The following ROR1 variants were observed in gnomAD, a reference collection of about 807,000 sequenced individuals.
ROR1 encodes inactive tyrosine-protein kinase transmembrane receptor ROR1.
In ROR1, 19 loss-of-function variants were observed where a neutral mutation model predicts 78.8. The ratio of observed to expected loss-of-function variants is 0.24; its 90% CI spans 0.17 to 0.35. The LOEUF (loss-of-function observed/expected upper bound fraction) is 0.35. Among genes scored for constraint, ROR1 ranks in the 10% least tolerant of loss-of-function variants. The pLI, the probability that ROR1 is intolerant of heterozygous loss-of-function variation, is 1.00. For synonymous variants in ROR1, 386 were observed against 433.6 expected (o/e 0.89, Z 1.36); for missense variants, 917 against 1,177.8 (o/e 0.78, Z 3.24).
At chr1:63,950,438 G>A (rs1645925713) in intron 1 of ROR1, among the ~76,000 whole-genome samples, 1 of 152,184 alleles carries the variant, frequency 6.6e-6, no homozygotes, top group Non-Finnish European at 1.5e-5. Flanking sequence ...TTTAAGTATG[G>A]TAATGCATTA....
chr1:63,859,979 A>T (rs906795357), intron 1 of ROR1, among the ~76,000 whole-genome samples: 2 of 152,158 alleles, frequency 1.3e-5, no homozygotes, highest in African/African-American at 4.8e-5. Flanking sequence ...ATAGATGAGG[A>T]GCCTGAGGCA....
At chr1:63,832,688 A>C (rs973130926) in intron 1 of ROR1, among the ~76,000 whole-genome samples, 1 of 152,374 alleles carries the variant, frequency 6.6e-6, no homozygotes, top group East Asian at 1.9e-4. Context: ...TTTTGAAAAC[A>C]CACACATTTT....
In ROR1 at chr1:63,951,455, A is replaced by G. The variant is rs1645934594; in HGVS notation, c.92-57850A>G. ...AAAGTGATATGAGGAAAATAGGGTA[A>G]AAGAGGGGGGCTGGGGAGAACTCGT... On this transcript the variant is annotated intron_variant, in intron 1 of 8. Transcript: ENST00000371079. Among the ~76,000 whole-genome samples, 2 of 152,218 alleles carry G rather than the reference A, an allele frequency of 1.3e-5. 1 individual carries two copies. Among genetic ancestry groups the G allele is most frequent in the South Asian group, 4.1e-4 (2 of 4,830 alleles).
At chr1:63,859,071 A>G (rs569902895) in intron 1 of ROR1, among the ~76,000 whole-genome samples, 2 of 152,284 alleles carry the variant, frequency 1.3e-5, no homozygotes, top group African/African-American at 4.8e-5. Flanking sequence ...GTGCTGACCC[A>G]TGTCATGATG....
intron 1 of ROR1, among the ~76,000 whole-genome samples, chr1:63,863,392 C>T (rs1645193632): frequency 6.6e-6 from 1 of 152,122 alleles, no homozygotes; most frequent in South Asian, 2.1e-4. Context: ...GCCTGAGTTT[C>T]TGGTGCTGGC....
chr1:64,104,106 A>G (rs866311439), intron 4 of ROR1, among the ~76,000 whole-genome samples: 3 of 152,154 alleles, frequency 2.0e-5, no homozygotes, highest in Non-Finnish European at 4.4e-5. Flanking sequence ...TAGGCTATAT[A>G]TCTATGTTAT....
chr1:64,132,963 T>G (rs1027202063), intron 4 of ROR1, among the ~76,000 whole-genome samples: 1 of 152,088 alleles, frequency 6.6e-6, no homozygotes, highest in African/African-American at 2.4e-5. Flanking sequence ...TTTGGTGGGC[T>G]ACCCTGGGAT....
chr1:64,121,261 C>CCTTCCTTCCAT lies in ROR1; in HGVS notation c.483-16106_483-16105insTCCTTCCATCT, dbSNP rs1553159804. ...TCCTTCCTTCCTTCCTTCCTTCCAT[C>CCTTCCTTCCAT]CTCCTGTTTCTTTATTTTGGTAAGG... On this transcript the variant is annotated intron_variant, in intron 4 of 8. Coordinates refer to ENST00000371079, the MANE Select transcript of ROR1 (RefSeq NM_005012.4). Among the ~76,000 whole-genome samples the CCTTCCTTCCAT allele has an allele frequency of 2.5e-3, 350 of 139,424 alleles. 1 individual carries two copies. The highest frequency in any genetic ancestry group is 5.7e-3 in the South Asian group (23 of 4,058). 91.5% of individuals were successfully genotyped at this position (139,424 alleles called of 152,430 possible).
At chr1:63,925,999 G>A (rs1300971901) in intron 1 of ROR1, among the ~76,000 whole-genome samples, 1 of 150,240 alleles carries the variant, frequency 6.7e-6, no homozygotes, top group Non-Finnish European at 1.5e-5. Flanking sequence ...CTTTTGCTGT[G>A]CAGAAGCTCT....
chr1:64,164,811 C>T (rs925935305), intron 8 of ROR1, among the ~76,000 whole-genome samples: 3 of 152,144 alleles, frequency 2.0e-5, no homozygotes, highest in Non-Finnish European at 4.4e-5. Context: ...TCTATGAGAA[C>T]AACATTTAGC....
chr1:63,814,448 G>A, intron 1 of ROR1, among the ~76,000 whole-genome samples: 1 of 152,008 alleles, frequency 6.6e-6, no homozygotes, highest in East Asian at 1.9e-4. Flanking sequence ...GTGGTGGTTT[G>A]GAGATGATTC....
chr1:64,014,740 C>CTATATATATATATATATATATATA lies in ROR1; in HGVS notation c.163+5375_163+5398dup, dbSNP rs1208813882. On this transcript the variant is annotated intron_variant, in intron 2 of 8. Coordinates refer to ENST00000371079, the MANE Select transcript of ROR1 (RefSeq NM_005012.4). ...ATATATATATATACACATACGCACA[C>CTATATATATATATATATATATATA]TATATATATATATATATATATATAT... is the stretch of plus-strand genomic sequence containing the variant. 2.5e-3 allele frequency among the ~76,000 whole-genome samples: 73 copies of CTATATATATATATATATATATATA among 29,026 alleles called. 2 individuals are homozygous for CTATATATATATATATATATATATA. Among genetic ancestry groups the CTATATATATATATATATATATATA allele is most frequent in the South Asian group, 5.6e-3 (2 of 356 alleles). 19.0% of individuals were successfully genotyped at this position (29,026 alleles called of 152,430 possible). A position where few individuals can be genotyped will look rare whatever the true frequency, so the allele number is the denominator to read the frequency against.
At chr1:64,106,871 T>A (rs765899101) in intron 4 of ROR1, 1 of 152,124 alleles carries the variant, frequency 6.6e-6, no homozygotes, top group Non-Finnish European at 1.5e-5. Context: ...ACGGGTACAG[T>A]CTTTTGTTTC....
At chr1:64,072,487 T>A (rs879469211) in intron 4 of ROR1, among the ~76,000 whole-genome samples, 3 of 152,246 alleles carry the variant, frequency 2.0e-5, no homozygotes, top group Middle Eastern at 3.4e-3. Flanking sequence ...TGATTTCCCA[T>A]GTATTGTGTA....
chr1:63,868,177 T>C (rs1009748832), intron 1 of ROR1, among the ~76,000 whole-genome samples: 2 of 152,228 alleles, frequency 1.3e-5, no homozygotes, highest in African/African-American at 4.8e-5. Context: ...GCCAACGCTA[T>C]GACAATTGCT....
chr1:64,009,220 TCTC>T (rs1646455549), intron 1 of ROR1, 82 bp from the exon 2 acceptor site: 3 of 1,024,110 alleles, frequency 2.9e-6, no homozygotes, highest in Admixed American at 3.5e-5. Context: ...CCTTTGGAAA[TCTC>T]CTCTAATGCT....
chr1:63,856,961 A>AT (rs368338105), intron 1 of ROR1, among the ~76,000 whole-genome samples: 38 of 150,470 alleles, frequency 2.5e-4, no homozygotes, highest in Admixed American at 7.3e-4. Flanking sequence ...TTGTTCTTGC[A>AT]TTTTTTTTTA....
intron 1 of ROR1, among the ~76,000 whole-genome samples, chr1:63,986,732 G>GA (rs1646255182): frequency 6.6e-6 from 1 of 152,106 alleles, no homozygotes; most frequent in Non-Finnish European, 1.5e-5. Context: ...TCTCTACACA[G>GA]AAAATTTTTT....
At chr1:63,787,449 C>T (rs1317580235) in intron 1 of ROR1, among the ~76,000 whole-genome samples, 1 of 128,384 alleles carries the variant, frequency 7.8e-6, no homozygotes, top group Non-Finnish European at 1.6e-5. Context: ...TTCCTTCCTT[C>T]CTTCCTTCCT....
Sources: gnomAD v4.1 joint callset for allele counts (sites outside exome capture counted in the v4.1 genomes callset) on GRCh38, gnomAD v4.1.1 for gene constraint, MANE v1.5 for transcripts, NCBI Gene and HGNC (gene_info 2026-07-23, HGNC 2026-07-21) for gene names.